The following EPB41 variants were observed in gnomAD, a reference collection of about 807,000 sequenced individuals.
The protein encoded by EPB41 is protein 4.1.
EPB41 carries 65 observed loss-of-function variants against 108.0 expected under a neutral mutation model. The ratio of observed to expected loss-of-function variants is 0.60; its 90% CI spans 0.49 to 0.74. The LOEUF (loss-of-function observed/expected upper bound fraction) is 0.74. Among genes scored for constraint, EPB41 ranks in the 30% least tolerant of loss-of-function variants. The pLI, the probability that EPB41 is intolerant of heterozygous loss-of-function variation, is 0.00. For synonymous variants in EPB41, 336 were observed against 358.9 expected (o/e 0.94, Z 0.72); for missense variants, 875 against 1,037.0 (o/e 0.84, Z 2.15).
chr1:28,986,652 G>A (rs543048869), intron 1 of EPB41, among the ~76,000 whole-genome samples: 11 of 152,248 alleles, frequency 7.2e-5, no homozygotes, highest in Middle Eastern at 3.4e-3. Context: ...ACCTCTGGCC[G>A]GGTGCGGTAG....
chr1:28,911,132 T>C (rs1212299829), upstream of EPB41: 1 of 985,300 alleles, frequency 1.0e-6, no homozygotes, highest in South Asian at 4.7e-5. Context: ...ACCTTCATAT[T>C]AGGCATTACT....
chr1:28,980,544 T>TA (rs200862698), intron 1 of EPB41, among the ~76,000 whole-genome samples: 25 of 150,760 alleles, frequency 1.7e-4, no homozygotes, highest in East Asian at 5.9e-4. Flanking sequence ...ACTCCATCTT[T>TA]AAAAAAAATT....
intron 16 of EPB41, among the ~76,000 whole-genome samples, chr1:29,074,802 A>T (rs1282611759): frequency 6.6e-6 from 1 of 152,224 alleles, no homozygotes; most frequent in African/African-American, 2.4e-5. Flanking sequence ...AAATAACTTG[A>T]ATAATAGCCT....
chr1:28,977,291 T>C (rs1252499994), intron 1 of EPB41, among the ~76,000 whole-genome samples: 1 of 152,160 alleles, frequency 6.6e-6, no homozygotes, highest in Admixed American at 6.5e-5. Flanking sequence ...TGTGAAGTTT[T>C]CAACTCAAGA....
intron 1 of EPB41, among the ~76,000 whole-genome samples, chr1:28,890,201 C>A (rs2089972322): frequency 6.6e-6 from 1 of 151,942 alleles, no homozygotes; most frequent in Non-Finnish European, 1.5e-5. Flanking sequence ...CCATGCCTGG[C>A]TAATTTTTTT....
At chr1:29,049,926 C>T (rs1440615632) in intron 11 of EPB41, among the ~76,000 whole-genome samples, 1 of 152,088 alleles carries the variant, frequency 6.6e-6, no homozygotes, top group African/African-American at 2.4e-5. Flanking sequence ...GCAATCCTTA[C>T]CCCCAACACT....
chr1:29,006,114 C>T (rs2096394996), intron 4 of EPB41, among the ~76,000 whole-genome samples: 1 of 152,066 alleles, frequency 6.6e-6, no homozygotes, highest in South Asian at 2.1e-4. Flanking sequence ...ACCCTTTCTT[C>T]TATGCTGTAA....
intron 1 of EPB41, chr1:28,890,944 T>C: frequency 1.0e-6 from 1 of 985,478 alleles, no homozygotes; most frequent in Non-Finnish European, 1.2e-6. Context: ...AGCTCTGAGC[T>C]CTGGGATCTT....
At chr1:28,888,438 T>G (rs976034070) in intron 1 of EPB41, among the ~76,000 whole-genome samples, 3 of 152,086 alleles carry the variant, frequency 2.0e-5, no homozygotes, top group African/African-American at 7.2e-5. Flanking sequence ...GGAAGGGATC[T>G]GCAGGAGGAG....
chr1:29,051,070 CTTTCTT>C (rs1558155069), intron 11 of EPB41, among the ~76,000 whole-genome samples: 3 of 97,932 alleles, frequency 3.1e-5, no homozygotes, highest in South Asian at 3.4e-4. Context: ...ATGAGCATTT[CTTTCTT>C]TTTCTTTTTC....
intron 16 of EPB41, among the ~76,000 whole-genome samples, chr1:29,081,281 A>G (rs919271560): frequency 2.0e-5 from 3 of 152,218 alleles, no homozygotes; most frequent in African/African-American, 4.8e-5. Flanking sequence ...GAAACATTTT[A>G]GTATGATGAA....
intron 19 of EPB41, among the ~76,000 whole-genome samples, chr1:29,114,059 G>T (rs777655321): frequency 6.6e-6 from 1 of 152,158 alleles, no homozygotes; most frequent in Non-Finnish European, 1.5e-5. Flanking sequence ...ATAGAGCCAG[G>T]AGACCAGAAG....
At chr1:28,975,710 T>G (rs573305291) in intron 1 of EPB41, among the ~76,000 whole-genome samples, 2 of 152,128 alleles carry the variant, frequency 1.3e-5, no homozygotes, top group East Asian at 3.9e-4. Flanking sequence ...GGCTCACGCC[T>G]GTAATCCCAG....
chr1:28,919,461 C>A (rs1287494455), intron 1 of EPB41, among the ~76,000 whole-genome samples: 2 of 151,876 alleles, frequency 1.3e-5, no homozygotes, highest in Non-Finnish European at 2.9e-5. Flanking sequence ...CTTAAAAGTC[C>A]TTTCTTTCTT....
At chr1:29,007,223 G>A (rs1285912208) in intron 4 of EPB41, among the ~76,000 whole-genome samples, 6 of 151,820 alleles carry the variant, frequency 4.0e-5, no homozygotes, top group African/African-American at 1.2e-4. Context: ...TCCCGGCCTC[G>A]TTACTGTATA....
intron 1 of EPB41, chr1:28,890,896 C>T (rs1007063868): frequency 2.0e-6 from 2 of 985,198 alleles, no homozygotes; most frequent in African/African-American, 3.5e-5. Flanking sequence ...CATTGCTCAG[C>T]CCTTACCTGT....
intron 16 of EPB41, chr1:29,071,534 T>C (rs1651435154): frequency 6.6e-6 from 1 of 152,250 alleles, no homozygotes; most frequent in African/African-American, 2.4e-5. Flanking sequence ...TTGATATACT[T>C]TGTTTTCCTG....
chr1:29,038,837 T>C (rs530270447), intron 10 of EPB41, among the ~76,000 whole-genome samples: 37 of 152,360 alleles, frequency 2.4e-4, no homozygotes, highest in African/African-American at 8.7e-4. Flanking sequence ...TTGACAAAAC[T>C]GTCATTCCAG....
chr1:29,092,096 T>C (rs968174897), intron 16 of EPB41, among the ~76,000 whole-genome samples: 11 of 146,656 alleles, frequency 7.5e-5, no homozygotes, highest in East Asian at 3.9e-4. Flanking sequence ...TTACCTTCTT[T>C]TTTTTTTTTT....
Sources: gnomAD v4.1 joint callset for allele counts (sites outside exome capture counted in the v4.1 genomes callset) on GRCh38, gnomAD v4.1.1 for gene constraint, MANE v1.5 for transcripts, NCBI Gene and HGNC (gene_info 2026-07-23, HGNC 2026-07-21) for gene names.